Variants in PTPRG observed in about 807,000 individuals in gnomAD.
PTPRG encodes the protein receptor-type tyrosine-protein phosphatase gamma.
In PTPRG, 102 loss-of-function variants were observed where a neutral mutation model predicts 165.3. The observed-to-expected ratio is 0.62, with a 90% confidence interval of 0.53 to 0.73. PTPRG has a LOEUF of 0.73. Ranked by LOEUF, PTPRG falls within the 30% of genes least tolerant of loss-of-function variation. The pLI, the probability that PTPRG is intolerant of heterozygous loss-of-function variation, is 0.00. For missense variants in PTPRG, 1,866 were observed against 1,861.4 expected, an observed-to-expected ratio of 1.00 and a Z score of -0.05; for synonymous variants, 675 against 669.5, an observed-to-expected ratio of 1.01 and a Z score of -0.13.
At chr3:62,124,117 G>A (rs1264108406) in intron 5 of PTPRG, 2 of 560,784 alleles carry the variant, frequency 3.6e-6, no homozygotes, top group Non-Finnish European at 6.3e-6. Context: ...CTTGTGAAAT[G>A]GTTGAAAAAT....
chr3:61,729,156 A>G (rs181081248), intron 1 of PTPRG, among the ~76,000 whole-genome samples: 55 of 152,310 alleles, frequency 3.6e-4, no homozygotes, highest in Admixed American at 6.5e-4. Context: ...AGCAAGGGTA[A>G]TCTGATATCT....
At chr3:61,703,270 G>A (rs759529879) in intron 1 of PTPRG, among the ~76,000 whole-genome samples, 1 of 151,836 alleles carries the variant, frequency 6.6e-6, no homozygotes, top group South Asian at 2.1e-4. Flanking sequence ...ATCATTTTCC[G>A]ACTGATGCCT....
intron 1 of PTPRG, among the ~76,000 whole-genome samples, chr3:61,740,323 T>G (rs1335544000): frequency 6.6e-6 from 1 of 152,156 alleles, no homozygotes; most frequent in Non-Finnish European, 1.5e-5. Context: ...GAGCCCAAAT[T>G]TTTTTAGGAA....
At chr3:62,143,071 G>A (rs976083595) in intron 6 of PTPRG, among the ~76,000 whole-genome samples, 4 of 152,066 alleles carry the variant, frequency 2.6e-5, no homozygotes, top group East Asian at 1.9e-4. Flanking sequence ...GTCCTCTCCC[G>A]CTCAGATCCC....
At chr3:61,973,034 A>T (rs2040419301) in intron 2 of PTPRG, among the ~76,000 whole-genome samples, 1 of 152,156 alleles carries the variant, frequency 6.6e-6, no homozygotes, top group African/African-American at 2.4e-5. Context: ...ATTAATGCTA[A>T]TAAATGAAAA....
chr3:61,931,955 T>C (rs1431846047), intron 2 of PTPRG, among the ~76,000 whole-genome samples: 1 of 152,264 alleles, frequency 6.6e-6, no homozygotes, highest in Non-Finnish European at 1.5e-5. Context: ...CTATGTTGTC[T>C]TCCTTTCTTA....
intron 24 of PTPRG, chr3:62,276,693 T>G (rs1030583031): frequency 2.5e-6 from 1 of 394,424 alleles, no homozygotes; most frequent in African/African-American, 2.1e-5. Context: ...TCCTCTGTTG[T>G]GTCCATATAA....
chr3:61,640,082 T>G (rs1007942381), intron 1 of PTPRG, among the ~76,000 whole-genome samples: 1 of 152,212 alleles, frequency 6.6e-6, no homozygotes, highest in Non-Finnish European at 1.5e-5. Flanking sequence ...GGGTTTGCAT[T>G]CCACTGGAGA....
rs555394826 is a variant in PTPRG, at chr3:62,188,586, TA to T, written c.1034-2877del. 2.5e-3 allele frequency among the ~76,000 whole-genome samples: 380 copies of T among 152,284 alleles called. 1 individual carries two copies. Among genetic ancestry groups the T allele is most frequent in the African/African-American group, 8.4e-3 (348 of 41,544 alleles). On this transcript the variant is annotated intron_variant, in intron 8 of 29. Transcript: ENST00000474889. ...TTTTGTACTACTTGGGTTCCTTTTT[TA>T]AAAAATATTAACATGAATCATCTTA...
At chr3:61,764,357 A>G (rs1400666623) in intron 2 of PTPRG, among the ~76,000 whole-genome samples, 1 of 152,174 alleles carries the variant, frequency 6.6e-6, no homozygotes, top group African/African-American at 2.4e-5. Flanking sequence ...AAAAGTGTTT[A>G]TCAAGCACAA....
chr3:62,161,768 G>T (rs1180429797), intron 7 of PTPRG, among the ~76,000 whole-genome samples: 1 of 152,216 alleles, frequency 6.6e-6, no homozygotes, highest in Non-Finnish European at 1.5e-5. Context: ...GTTTGCAGCT[G>T]TGGTTCAGTA....
intron 2 of PTPRG, among the ~76,000 whole-genome samples, chr3:61,830,650 C>G (rs928282813): frequency 1.4e-5 from 2 of 141,258 alleles, no homozygotes; most frequent in Non-Finnish European, 3.0e-5. Context: ...TCTCGGTTCA[C>G]TGCAACCTCC....
intron 9 of PTPRG, among the ~76,000 whole-genome samples, chr3:62,193,295 A>C (rs896112315): frequency 6.6e-6 from 1 of 152,226 alleles, no homozygotes; most frequent in African/African-American, 2.4e-5. Flanking sequence ...GATGGAGTGA[A>C]GATTTCGCTC....
At chr3:62,197,828 A>G (rs1270117802) in intron 10 of PTPRG, among the ~76,000 whole-genome samples, 1 of 152,240 alleles carries the variant, frequency 6.6e-6, no homozygotes, top group Non-Finnish European at 1.5e-5. Context: ...AAAGCATGGA[A>G]TAGTTTAAAT....
At chr3:61,600,182 A>G (rs1281940477) in intron 1 of PTPRG, among the ~76,000 whole-genome samples, 8 of 97,156 alleles carry the variant, frequency 8.2e-5, no homozygotes, top group African/African-American at 2.9e-4. Flanking sequence ...AAATATATAT[A>G]TATATATATA....
intron 1 of PTPRG, among the ~76,000 whole-genome samples, chr3:61,622,403 G>A (rs913427323): frequency 6.6e-6 from 1 of 151,992 alleles, no homozygotes; most frequent in Non-Finnish European, 1.5e-5. Flanking sequence ...GTACATTTCT[G>A]TAGTTTTCCG....
At chr3:62,008,881 C>T (rs1476466362) in intron 4 of PTPRG, among the ~76,000 whole-genome samples, 1 of 152,230 alleles carries the variant, frequency 6.6e-6, no homozygotes, top group African/African-American at 2.4e-5. Context: ...CACCACTCAC[C>T]TCCTGCTGTG....
At chr3:61,910,837 G>T (rs1466210081) in intron 2 of PTPRG, among the ~76,000 whole-genome samples, 2 of 152,164 alleles carry the variant, frequency 1.3e-5, no homozygotes, top group Non-Finnish European at 2.9e-5. Flanking sequence ...GATTAAAACT[G>T]TCAGGGGCTT....
chr3:62,030,283 CTTAA>C (rs1227350992), intron 4 of PTPRG, among the ~76,000 whole-genome samples: 2 of 151,586 alleles, frequency 1.3e-5, no homozygotes, highest in Non-Finnish European at 2.9e-5. Flanking sequence ...TCACCCAAAG[CTTAA>C]TTAGTTTTTC....
Sources: allele counts gnomAD v4.1 joint callset (sites outside exome capture counted in the v4.1 genomes callset), GRCh38; gene constraint gnomAD v4.1.1; transcripts MANE v1.5; gene names NCBI Gene and HGNC (gene_info 2026-07-23, HGNC 2026-07-21).